The following CAPN11 variants were observed in gnomAD, a reference collection of about 807,000 sequenced individuals.
The protein encoded by CAPN11 is calpain-11.
CAPN11 carries 108 observed loss-of-function variants against 105.3 expected under a neutral mutation model. That is an observed-to-expected ratio of 1.03 (90% CI 0.88 to 1.20). CAPN11 has a LOEUF of 1.20. CAPN11 is among the 50% of genes most tolerant of loss of function. The probability of loss-of-function intolerance (pLI) is 0.00; values close to 1 mark genes in which losing one functional copy is unlikely to be tolerated. For synonymous variants in CAPN11, 329 were observed against 344.5 expected, an observed-to-expected ratio of 0.96 and a Z score of 0.50; for missense variants, 883 against 924.8, an observed-to-expected ratio of 0.95 and a Z score of 0.59.
chr6:44,166,920 GAAGTCAGTCATGTTGTGT>G, intron 2 of CAPN11, 91 bp downstream of exon 2: 21 of 580,768 alleles, frequency 3.6e-5, no homozygotes, highest in East Asian at 2.1e-4. Context: ...GCTGGTGGGG[GAAGTCAGTCATGTTGTGT>G]GGGGAGGGCG....
intron 2 of CAPN11, among the ~76,000 whole-genome samples, chr6:44,167,353 C>A (rs1026599030): frequency 6.6e-6 from 1 of 151,772 alleles, no homozygotes; most frequent in Non-Finnish European, 1.5e-5. Context: ...ACAAAATTAG[C>A]CAGATGTAGC....
Position 44,158,857 on chromosome 6 carries a change from C to G in CAPN11, c.9C>G (p.Tyr3Ter). ...CCGAGCTAGCCACCAGCATGCTGTA[C>G]TCCCCAGGTAGGCACTCATGGGGCC... ML[Y>*]SPGPSLPESA... Residue 3 changes from tyrosine to a stop codon, truncating the protein, a stop_gained, in exon 1 of 23, where the codon TAC becomes TAG. Coordinates refer to ENST00000398776, the MANE Select transcript of CAPN11 (RefSeq NM_007058.4). LOFTEE classifies it high-confidence loss of function. 3.2e-6 allele frequency: 5 copies of G among 1,551,414 alleles called. No homozygotes were observed. The highest frequency in any genetic ancestry group is 4.4e-6 in the Non-Finnish European group (5 of 1,146,822).
chr6:44,169,308 T>C lies in CAPN11; in HGVS notation c.116T>C (p.Val39Ala). ...CCCACTTTTACTGATACGGGAATGG[T>C]GGCTCACATAAACAACAGCCGGCTC... ...AEPTFTDTGM[V>A]AHINNSRLKA... The change falls in exon 3 of 23, where the codon GTG becomes GCG. Residue 39 changes from valine (V) to alanine (A), a missense_variant. Coordinates refer to ENST00000398776, the MANE Select transcript of CAPN11 (RefSeq NM_007058.4). 1 of 1,612,054 alleles carries C rather than the reference T, an allele frequency of 6.2e-7. No homozygotes were observed. Among genetic ancestry groups the C allele is most frequent in the South Asian group, 1.1e-5 (1 of 90,670 alleles).
rs781108894 is a variant in CAPN11, at chr6:44,183,064, G to A, written c.2017+45G>A. On this transcript the variant is annotated intron_variant, in intron 20 of 22. Coordinates refer to ENST00000398776, the MANE Select transcript of CAPN11 (RefSeq NM_007058.4). ...GGGCCTTGGGGCAGGGAAGAGGATG[G>A]CAGTGTCCAGAGGCCCAGACTTTTC... 3 of 1,593,106 alleles carry A rather than the reference G, an allele frequency of 1.9e-6. No homozygotes were observed. In the South Asian group the frequency reaches 3.3e-5, roughly 18 times the overall value.
intron 4 of CAPN11, among the ~76,000 whole-genome samples, chr6:44,170,836 C>T (rs1250614643): frequency 6.6e-6 from 1 of 152,146 alleles, no homozygotes; most frequent in Non-Finnish European, 1.5e-5. Context: ...CATAGAAAGC[C>T]CCAGGGTAGA....
intron 5 of CAPN11, 89 bp from the exon 6 acceptor site, chr6:44,172,849 CCT>C (rs1474899691): frequency 5.0e-6 from 7 of 1,402,248 alleles, no homozygotes; most frequent in Non-Finnish European, 6.8e-6. Flanking sequence ...GAGAGTGGAG[CCT>C]CTGACACTGG....
chr6:44,181,712 C>T (rs868540138), intron 19 of CAPN11, among the ~76,000 whole-genome samples: 1 of 32,056 alleles, frequency 3.1e-5, no homozygotes, highest in East Asian at 2.7e-4. Context: ...CTCACACACA[C>T]ACACACTCAC....
At chr6:44,176,027 C>T in intron 7 of CAPN11, 41 bp from the exon 8 acceptor site, 1 of 1,435,798 alleles carries the variant, frequency 7.0e-7, no homozygotes, top group Non-Finnish European at 9.7e-7. Context: ...CCTCCATGCC[C>T]TCCATGCCCT....
In CAPN11 at chr6:44,168,309, G is replaced by A. The variant is rs150230338; in HGVS notation, c.89-972G>A. ...TTTTGAGATGGAGCCTCACTCTGTC[G>A]CCCATGCTAGAGTTCGGTGGCACCA... On this transcript the variant is annotated intron_variant, in intron 2 of 22. Transcript: ENST00000398776. Among the ~76,000 whole-genome samples the A allele has an allele frequency of 1.3e-3, 204 of 152,018 alleles. 1 individual carries two copies. The highest frequency in any genetic ancestry group is 3.8e-3 in the African/African-American group (156 of 41,462).
intron 11 of CAPN11, 115 bp downstream of exon 11, chr6:44,177,113 G>T (rs1161778382): frequency 1.4e-6 from 2 of 1,479,440 alleles, no homozygotes; most frequent in Non-Finnish European, 1.8e-6. Context: ...TGAGGTCAAG[G>T]GTTAGTCAGA....
rs1010580120 is a variant in CAPN11, at chr6:44,172,544, T to C, written c.528+124T>C. ...TTATTAGGGTGGGTTTTGGACTAAT[T>C]ATCAGAGAAATATCTGCCCACCAAA... On this transcript the variant is annotated intron_variant, in intron 5 of 22. Coordinates refer to ENST00000398776, the MANE Select transcript of CAPN11 (RefSeq NM_007058.4). 4 of 618,638 alleles carry C rather than the reference T, an allele frequency of 6.5e-6. No homozygotes were observed. In the East Asian group the frequency reaches 8.7e-5, roughly 13 times the overall value. The allele number at this position is 618,638 out of a possible 1,614,324, so 38.3% of individuals were successfully genotyped here. A position where few individuals can be genotyped will look rare whatever the true frequency, so the allele number is the denominator to read the frequency against.
At chr6:44,168,251 C>T (rs997801841) in intron 2 of CAPN11, among the ~76,000 whole-genome samples, 15 of 152,180 alleles carry the variant, frequency 9.9e-5, no homozygotes, top group Admixed American at 6.5e-4. Context: ...TAAATAGAAT[C>T]GCGCAATATG....
At chr6:44,160,343 C>T (rs1182724991) in intron 1 of CAPN11, among the ~76,000 whole-genome samples, 18 of 152,212 alleles carry the variant, frequency 1.2e-4, no homozygotes, top group Non-Finnish European at 2.2e-4. Flanking sequence ...TCTGGCCGGG[C>T]GCAGTGGCTC....
intron 1 of CAPN11, among the ~76,000 whole-genome samples, chr6:44,162,746 A>T (rs762688976): frequency 3.9e-5 from 6 of 152,060 alleles, no homozygotes; most frequent in African/African-American, 7.3e-5. Flanking sequence ...CGGCCCATGG[A>T]GCTGAACCTG....
chr6:44,182,895 C>G (rs1360285409), intron 19 of CAPN11, 46 bp from the exon 20 acceptor site: 2 of 1,409,294 alleles, frequency 1.4e-6, no homozygotes, highest in Non-Finnish European at 2.0e-6. Flanking sequence ...TTATTTCAAC[C>G]ACCATGCCAT....
intron 1 of CAPN11, among the ~76,000 whole-genome samples, chr6:44,163,658 A>G (rs941567380): frequency 1.3e-5 from 2 of 152,178 alleles, no homozygotes; most frequent in African/African-American, 4.8e-5. Flanking sequence ...GGTGTTTAGA[A>G]TAGTGCCAGA....
chr6:44,169,872 TG>T lies in CAPN11; in HGVS notation c.340-31del, dbSNP rs797001244. On this transcript the variant is annotated intron_variant, in intron 3 of 22. Coordinates refer to ENST00000398776, the MANE Select transcript of CAPN11 (RefSeq NM_007058.4). ...GGAGAAAGGTGGGGAGGGGGTGTCCTGGGCCCCCTGAAACCTTTATTCCTTC... is the reference window on the plus strand; with the variant it reads ...GGAGAAAGGTGGGGAGGGGGTGTCCTGGCCCCCTGAAACCTTTATTCCTTC... 16 of 1,527,288 alleles carry T rather than the reference TG, an allele frequency of 1.0e-5. No individual in the cohort carries two copies. In the African/African-American group the frequency reaches 1.9e-4, roughly 18 times the overall value. 94.6% of individuals were successfully genotyped at this position (1,527,288 alleles called of 1,614,324 possible).
chr6:44,160,764 G>A (rs1412439858), intron 1 of CAPN11, among the ~76,000 whole-genome samples: 1 of 152,194 alleles, frequency 6.6e-6, no homozygotes, highest in Non-Finnish European at 1.5e-5. Context: ...TGCTTTCCAC[G>A]CAGTTTCAGT....
At chr6:44,172,189 G>A (rs1771125145) in intron 4 of CAPN11, 113 bp from the exon 5 acceptor site, 2 of 604,098 alleles carry the variant, frequency 3.3e-6, no homozygotes, top group South Asian at 2.3e-5. Context: ...TCCGCCGGGG[G>A]GGTGAGAATG....
Sources: allele counts gnomAD v4.1 joint callset (sites outside exome capture counted in the v4.1 genomes callset), GRCh38; gene constraint gnomAD v4.1.1; transcripts MANE v1.5; gene names NCBI Gene and HGNC (gene_info 2026-07-23, HGNC 2026-07-21).